The following CNTNAP2 variants were observed in gnomAD, a reference collection of about 807,000 sequenced individuals.
CNTNAP2 encodes the protein contactin-associated protein-like 2.
In CNTNAP2, 98 loss-of-function variants were observed where a neutral mutation model predicts 155.2. The ratio of observed to expected loss-of-function variants is 0.63; its 90% CI spans 0.54 to 0.75. CNTNAP2 has a LOEUF of 0.75. Among genes scored for constraint, CNTNAP2 ranks in the 30% least tolerant of loss-of-function variants. The probability of loss-of-function intolerance (pLI) is 0.00; values close to 1 mark genes in which losing one functional copy is unlikely to be tolerated. For synonymous variants in CNTNAP2, 651 were observed against 631.2 expected (o/e 1.03, Z -0.47); for missense variants, 1,727 against 1,688.1 (o/e 1.02, Z -0.40).
chr7:147,046,050 G>C (rs748486741), intron 4 of CNTNAP2, among the ~76,000 whole-genome samples: 6 of 152,108 alleles, frequency 3.9e-5, no homozygotes, highest in Non-Finnish European at 8.8e-5. Flanking sequence ...TAATTTAATA[G>C]AGTTAATAAT....
intron 4 of CNTNAP2, among the ~76,000 whole-genome samples, chr7:147,055,825 C>G (rs1034304857): frequency 6.6e-6 from 1 of 152,012 alleles, no homozygotes; most frequent in Non-Finnish European, 1.5e-5. Flanking sequence ...ATGCCTGATC[C>G]CCGAGGGAAG....
At chr7:146,966,726 A>G (rs1021599045) in intron 3 of CNTNAP2, among the ~76,000 whole-genome samples, 6 of 152,178 alleles carry the variant, frequency 3.9e-5, no homozygotes, top group Non-Finnish European at 8.8e-5. Flanking sequence ...ATGATGCTTG[A>G]TTATTCATTA....
chr7:146,244,796 CA>C (rs1243587962), intron 1 of CNTNAP2, among the ~76,000 whole-genome samples: 2 of 152,050 alleles, frequency 1.3e-5, no homozygotes, highest in African/African-American at 4.8e-5. Flanking sequence ...GTGGCCTTCT[CA>C]GACCCTGTAG....
rs537334803 is a variant in CNTNAP2, at chr7:148,366,066, A to G, written c.3476-17583A>G. ...TGTATGCATGTGTGTGTATGCATGTATGCATGTATGTGTGTGCATGTATAC... is the reference window on the plus strand; with the variant it reads ...TGTATGCATGTGTGTGTATGCATGTGTGCATGTATGTGTGTGCATGTATAC... On this transcript the variant is annotated intron_variant, in intron 21 of 23. Coordinates refer to ENST00000361727, the MANE Select transcript of CNTNAP2 (RefSeq NM_014141.6). Among the ~76,000 whole-genome samples the G allele has an allele frequency of 2.1e-3, 10 of 4,782 alleles. 5 individuals carry two copies. The highest frequency in any genetic ancestry group is 2.6e-3 in the African/African-American group (10 of 3,838). The allele number at this position is 4,782 out of a possible 152,430, so 3.1% of individuals were successfully genotyped here.
rs555382612 is a variant in CNTNAP2, at chr7:148,405,935, T to C, written c.3716-3456T>C. Among the ~76,000 whole-genome samples the C allele has an allele frequency of 2.6e-5, 4 of 152,230 alleles. No individual in the cohort carries two copies. The Middle Eastern group carries it at 0.014, about 518-fold the overall frequency. ...ATTTAATATATTTCGAAGGTACATA[T>C]TATTTAAAGAAGGTCGGCCGGGCGC... is the stretch of plus-strand genomic sequence containing the variant. On this transcript the variant is annotated intron_variant, in intron 22 of 23. Coordinates refer to ENST00000361727, the MANE Select transcript of CNTNAP2 (RefSeq NM_014141.6).
chr7:147,114,297 A>G (rs7811513), intron 5 of CNTNAP2, among the ~76,000 whole-genome samples: 90,225 of 151,842 alleles, frequency 0.59, 26,889 homozygotes, highest in South Asian at 0.69. Flanking sequence ...TTGTCTTGGG[A>G]TGGAGAATTC....
intron 13 of CNTNAP2, among the ~76,000 whole-genome samples, chr7:147,881,586 A>G (rs1448219724): frequency 6.6e-6 from 1 of 152,244 alleles, no homozygotes; most frequent in Non-Finnish European, 1.5e-5. Flanking sequence ...TAAGCAGGAC[A>G]AGGTTTTATA....
At chr7:148,384,186 C>G (rs1413946537) in intron 22 of CNTNAP2, among the ~76,000 whole-genome samples, 1 of 152,178 alleles carries the variant, frequency 6.6e-6, no homozygotes, top group Non-Finnish European at 1.5e-5. Flanking sequence ...GTGATTTGAT[C>G]AATTCACTGT....
At chr7:148,170,053 A>G (rs1392343974) in intron 17 of CNTNAP2, among the ~76,000 whole-genome samples, 2 of 152,228 alleles carry the variant, frequency 1.3e-5, no homozygotes, top group African/African-American at 4.8e-5. Context: ...TTATTTACAC[A>G]TAGTATGTTC....
chr7:146,422,141 C>A (rs1349463056), intron 1 of CNTNAP2, among the ~76,000 whole-genome samples: 3 of 150,636 alleles, frequency 2.0e-5, no homozygotes, highest in Non-Finnish European at 4.4e-5. Flanking sequence ...TTTTTTTTTA[C>A]ATGCATGAAT....
intron 1 of CNTNAP2, among the ~76,000 whole-genome samples, chr7:146,179,688 CCATCTT>C (rs1236042364): frequency 6.6e-6 from 1 of 151,876 alleles, no homozygotes; most frequent in Non-Finnish European, 1.5e-5. Context: ...GTCATAGAGC[CCATCTT>C]CATGCAGGAT....
At chr7:147,035,819 CA>C (rs1799142850) in intron 3 of CNTNAP2, among the ~76,000 whole-genome samples, 1 of 151,686 alleles carries the variant, frequency 6.6e-6, no homozygotes, top group Non-Finnish European at 1.5e-5. Context: ...TTATTCTCAT[CA>C]TAAAATAATT....
At chr7:146,484,434 C>T (rs576170750) in intron 1 of CNTNAP2, among the ~76,000 whole-genome samples, 1 of 152,262 alleles carries the variant, frequency 6.6e-6, no homozygotes, top group East Asian at 1.9e-4. Flanking sequence ...CATTCAGGAT[C>T]TACCTCCTTT....
intron 3 of CNTNAP2, among the ~76,000 whole-genome samples, chr7:147,017,262 T>C (rs1039143942): frequency 4.0e-5 from 6 of 151,744 alleles, no homozygotes; most frequent in Non-Finnish European, 8.8e-5. Context: ...TCTTCAGCAT[T>C]ACACACACGT....
At chr7:146,562,385 T>C (rs1185490091) in intron 1 of CNTNAP2, among the ~76,000 whole-genome samples, 1 of 152,128 alleles carries the variant, frequency 6.6e-6, no homozygotes, top group Non-Finnish European at 1.5e-5. Context: ...GCTAAAAAAT[T>C]AAAAAGGTTA....
At chr7:147,205,232 C>G (rs1367654118) in intron 8 of CNTNAP2, among the ~76,000 whole-genome samples, 4 of 151,946 alleles carry the variant, frequency 2.6e-5, no homozygotes, top group African/African-American at 4.8e-5. Context: ...ATCTCTCATT[C>G]CCCCCGCCAC....
chr7:147,124,799 A>C (rs577401998), intron 6 of CNTNAP2, among the ~76,000 whole-genome samples: 1 of 151,458 alleles, frequency 6.6e-6, no homozygotes, highest in Non-Finnish European at 1.5e-5. Flanking sequence ...ATTTCTGGAG[A>C]TGAACATCAT....
chr7:148,288,142 C>T lies in CNTNAP2; in HGVS notation c.3475+21016C>T, dbSNP rs181268017. 3.1e-3 allele frequency among the ~76,000 whole-genome samples: 453 copies of T among 148,370 alleles called. 2 individuals are homozygous for T. The highest frequency in any genetic ancestry group is 0.011 in the African/African-American group (428 of 40,058). ...TTAAAGACAGTCTCACACTGTCGCCCGGGCTGGAGTGCAATGGCACAATCT... is the reference window on the plus strand; with the variant it reads ...TTAAAGACAGTCTCACACTGTCGCCTGGGCTGGAGTGCAATGGCACAATCT... On this transcript the variant is annotated intron_variant, in intron 21 of 23. Transcript: ENST00000361727.
intron 1 of CNTNAP2, among the ~76,000 whole-genome samples, chr7:146,549,269 G>A (rs576446717): frequency 6.6e-6 from 1 of 151,964 alleles, no homozygotes; most frequent in African/African-American, 2.4e-5. Flanking sequence ...TGTCTTTACT[G>A]TAATTCTTTG....
Sources: allele counts gnomAD v4.1 joint callset (sites outside exome capture counted in the v4.1 genomes callset), GRCh38; gene constraint gnomAD v4.1.1; transcripts MANE v1.5; gene names NCBI Gene and HGNC (gene_info 2026-07-23, HGNC 2026-07-21).